TAS2R1: variants seen among roughly 807,000 people sequenced by gnomAD.
The protein encoded by TAS2R1 is taste 2 receptor member 1, also known as taste receptor type 2 member 1.
For missense variants in TAS2R1, 370 were observed against 353.4 expected, an observed-to-expected ratio of 1.05 and a Z score of -0.38; for synonymous variants, 141 against 134.2, an observed-to-expected ratio of 1.05 and a Z score of -0.35.
the TAS2R1 span, among the ~76,000 whole-genome samples, chr5:9,821,369 G>A: frequency 6.6e-6 from 1 of 152,216 alleles, no homozygotes; most frequent in African/African-American, 2.4e-5. Flanking sequence ...CATGCTTGGT[G>A]AGGAGTGTCA....
chr5:9,758,315 C>T, the TAS2R1 span, among the ~76,000 whole-genome samples: 255 of 152,274 alleles, frequency 1.7e-3, no homozygotes, highest in African/African-American at 5.5e-3. Flanking sequence ...CGGCCTTTGT[C>T]AGTTACGTAT....
At chr5:9,829,515 A>T in the TAS2R1 span, among the ~76,000 whole-genome samples, 2 of 152,180 alleles carry the variant, frequency 1.3e-5, no homozygotes, top group Non-Finnish European at 2.9e-5. Flanking sequence ...CTGTTTCTAG[A>T]TCTCCTCTTG....
intron 2 of TAS2R1, chr5:9,645,592 G>A (rs1052440659): frequency 1.3e-5 from 2 of 152,180 alleles, no homozygotes; most frequent in Non-Finnish European, 2.9e-5. Flanking sequence ...GAATCCAGGA[G>A]TAGTCACAGA....
At chr5:9,777,826 A>G in the TAS2R1 span, among the ~76,000 whole-genome samples, 3 of 151,762 alleles carry the variant, frequency 2.0e-5, no homozygotes, top group African/African-American at 7.3e-5. Context: ...TGAAGACATT[A>G]GTCTCCTTGT....
chr5:9,824,284 A>C, the TAS2R1 span, among the ~76,000 whole-genome samples: 7 of 152,232 alleles, frequency 4.6e-5, no homozygotes, highest in African/African-American at 1.7e-4. Flanking sequence ...CCCAAAATGA[A>C]TCAAGGACCA....
At chr5:9,669,574 G>A (rs767294955) in intron 1 of TAS2R1, among the ~76,000 whole-genome samples, 1 of 152,034 alleles carries the variant, frequency 6.6e-6, no homozygotes, top group Non-Finnish European at 1.5e-5. Context: ...TCAGACCACA[G>A]CACAATAAAA....
chr5:9,630,592 T>C (rs748464596), upstream of TAS2R1, among the ~76,000 whole-genome samples: 2 of 152,158 alleles, frequency 1.3e-5, no homozygotes, highest in Non-Finnish European at 2.9e-5. Flanking sequence ...AGTTATAGAA[T>C]AAAATATACA....
At chr5:9,749,455 C>T in the TAS2R1 span, among the ~76,000 whole-genome samples, 117 of 152,330 alleles carry the variant, frequency 7.7e-4, 3 homozygotes, top group East Asian at 0.02. Context: ...TGTACAGCAT[C>T]TGTACATTTA....
the TAS2R1 span, among the ~76,000 whole-genome samples, chr5:9,864,934 G>A: frequency 6.6e-6 from 1 of 152,118 alleles, no homozygotes; most frequent in Admixed American, 6.5e-5. Context: ...TGATCACAAG[G>A]CCACCAGCAA....
At chr5:9,833,706 G>C in the TAS2R1 span, among the ~76,000 whole-genome samples, 1 of 152,178 alleles carries the variant, frequency 6.6e-6, no homozygotes, top group South Asian at 2.1e-4. Flanking sequence ...ATCTGATTAA[G>C]AGTGAAACAT....
the TAS2R1 span, among the ~76,000 whole-genome samples, chr5:9,803,075 G>A: frequency 6.6e-6 from 1 of 152,082 alleles, no homozygotes. Context: ...GGAAATCAAG[G>A]ACACACTTAG....
chr5:9,693,580 T>A, intron 1 of TAS2R1, among the ~76,000 whole-genome samples: 1 of 148,812 alleles, frequency 6.7e-6, no homozygotes, highest in Non-Finnish European at 1.5e-5. Flanking sequence ...AAAAATAAAT[T>A]TGGTCTCTTG....
At chr5:9,658,557 GGAACAAGGATT>G (rs1480671408) in intron 2 of TAS2R1, 2 of 152,120 alleles carry the variant, frequency 1.3e-5, no homozygotes, top group Non-Finnish European at 2.9e-5. Flanking sequence ...CATGCTGAGT[GGAACAAGGATT>G]GCAGCACACT....
the TAS2R1 span, among the ~76,000 whole-genome samples, chr5:9,829,477 A>G: frequency 6.6e-6 from 1 of 152,216 alleles, no homozygotes; most frequent in Non-Finnish European, 1.5e-5. Context: ...AGACAAGGGC[A>G]TCATTTGACC....
chr5:9,849,701 G>A, the TAS2R1 span, among the ~76,000 whole-genome samples: 1 of 152,188 alleles, frequency 6.6e-6, no homozygotes, highest in Non-Finnish European at 1.5e-5. Context: ...TAGGTGGAGA[G>A]GCTAAATACT....
intron 2 of TAS2R1, among the ~76,000 whole-genome samples, chr5:9,640,710 C>T (rs887899163): frequency 1.3e-5 from 2 of 152,178 alleles, no homozygotes; most frequent in East Asian, 3.9e-4. Flanking sequence ...CAACACTCAG[C>T]TCTGAGAAGC....
At chr5:9,777,904 T>C in the TAS2R1 span, among the ~76,000 whole-genome samples, 105,547 of 147,708 alleles carry the variant, frequency 0.71, 38,033 homozygotes, top group East Asian at 0.81. Context: ...GACGGAGTCT[T>C]GCTCTGTCGC....
chr5:9,669,239 C>T (rs1740703067), intron 1 of TAS2R1, among the ~76,000 whole-genome samples: 1 of 152,150 alleles, frequency 6.6e-6, no homozygotes, highest in Non-Finnish European at 1.5e-5. Flanking sequence ...GCAGCCAACA[C>T]AGGAGCACCC....
At chr5:9,765,836 T>G in the TAS2R1 span, 1 of 152,232 alleles carries the variant, frequency 6.6e-6, no homozygotes, top group Non-Finnish European at 1.5e-5. Flanking sequence ...TTATTAAAAC[T>G]GTGTTTTCAT....
Sources: allele counts gnomAD v4.1 joint callset (sites outside exome capture counted in the v4.1 genomes callset), GRCh38; gene constraint gnomAD v4.1.1; transcripts MANE v1.5; gene names NCBI Gene and HGNC (gene_info 2026-07-23, HGNC 2026-07-21).